CTPS2: variants seen among roughly 807,000 people sequenced by gnomAD.
The protein encoded by CTPS2 is CTP synthase 2.
Under a neutral mutation model 46.8 loss-of-function variants are expected in CTPS2, and 19 were observed. The ratio of observed to expected loss-of-function variants is 0.41; its 90% CI spans 0.28 to 0.60. CTPS2 has a LOEUF of 0.60. Among genes scored for constraint, CTPS2 ranks in the 20% least tolerant of loss-of-function variants. The pLI is 0.35. For missense variants in CTPS2, 286 were observed against 447.6 expected (o/e 0.64, Z 3.26); for synonymous variants, 151 against 165.2 (o/e 0.91, Z 0.66).
chrX:16,682,127 T>C (rs1922796468), intron 9 of CTPS2, among the ~76,000 whole-genome samples: 1 of 112,379 alleles, frequency 8.9e-6, no homozygotes, highest in Non-Finnish European at 1.9e-5. Flanking sequence ...ATGACAAGCA[T>C]GCTCATTCAT....
In CTPS2 at chrX:16,588,118, G is replaced by GGGGCTCTT. The variant is rs1928706422; in HGVS notation, c.*1691_*1698dup. On this transcript the variant is annotated 3_prime_UTR_variant, in exon 19 of 19. Transcript: ENST00000359276. ...TGCTAAATGGAAGCCTGACTGACCA[G>GGGGCTCTT]GGGCTCTTGGGCTCTCAATGCAATA... 9.0e-6 allele frequency: 1 copy of GGGGCTCTT among 110,600 alleles called. No individual in the cohort carries two copies. The highest frequency in any genetic ancestry group is 1.9e-5 in the Non-Finnish European group (1 of 53,065). The allele number at this position is 110,600 out of a possible 1,213,427, so 9.1% of individuals were successfully genotyped here. A position where few individuals can be genotyped will look rare whatever the true frequency, so the allele number is the denominator to read the frequency against.
At chrX:16,665,079 C>G (rs1449512751) in intron 13 of CTPS2, among the ~76,000 whole-genome samples, 1 of 112,307 alleles carries the variant, frequency 8.9e-6, no homozygotes, top group Non-Finnish European at 1.9e-5. Context: ...CAAATCAAAG[C>G]CACGATGAGA....
At chrX:16,612,657 T>G (rs1930319407) in intron 16 of CTPS2, among the ~76,000 whole-genome samples, 1 of 112,173 alleles carries the variant, frequency 8.9e-6, no homozygotes, top group Non-Finnish European at 1.9e-5. Context: ...GAAAGACTCC[T>G]GGAAATGCGT....
intron 13 of CTPS2, 119 bp from the exon 14 acceptor site, chrX:16,639,362 T>C (rs1931930504): frequency 1.8e-6 from 1 of 555,421 alleles, no homozygotes; most frequent in Non-Finnish European, 3.2e-6. Context: ...CTATAACATT[T>C]GATCAGTCTT....
intron 4 of CTPS2, among the ~76,000 whole-genome samples, chrX:16,695,703 C>G (rs1301219988): frequency 1.8e-5 from 2 of 110,266 alleles, no homozygotes; most frequent in Non-Finnish European, 3.8e-5. Context: ...AGGCGCCCAC[C>G]ACCACGCCCG....
chrX:16,664,704 T>G (rs1343126363), intron 13 of CTPS2, among the ~76,000 whole-genome samples: 2 of 111,862 alleles, frequency 1.8e-5, no homozygotes, highest in Admixed American at 9.5e-5. Context: ...ACTAGATTTC[T>G]CTAAATCAGT....
rs770672776 is a variant in CTPS2, at chrX:16,706,405, AGAGT to A, written c.-39-3468_-39-3465del. Reference sequence around the variant, plus strand: ...GCCACTGCACTCCGGTCTGGGCAACAGAGTGAGACTCCGACTCGAAAGGTAAGAA... The same window carrying A: ...GCCACTGCACTCCGGTCTGGGCAACAGAGACTCCGACTCGAAAGGTAAGAA... On this transcript the variant is annotated intron_variant, in intron 1 of 18. Coordinates refer to ENST00000359276, the MANE Select transcript of CTPS2 (RefSeq NM_175859.3). Among the ~76,000 whole-genome samples the A allele has an allele frequency of 6.7e-3, 747 of 111,214 alleles. 6 individuals carry two copies. The highest frequency in any genetic ancestry group is 0.023 in the African/African-American group (698 of 30,571).
At chrX:16,704,734 G>A (rs749355528) in intron 1 of CTPS2, among the ~76,000 whole-genome samples, 1 of 110,943 alleles carries the variant, frequency 9.0e-6, no homozygotes, top group South Asian at 3.9e-4. Flanking sequence ...GATCACCTGA[G>A]GTCGGGAGGT....
chrX:16,606,521 C>A (rs1231840132), intron 17 of CTPS2, among the ~76,000 whole-genome samples: 2 of 111,656 alleles, frequency 1.8e-5, no homozygotes, highest in Non-Finnish European at 3.8e-5. Flanking sequence ...AATAAACAAC[C>A]CCTGTGTGTA....
rs1428447074 is a variant in CTPS2, at chrX:16,625,246, A to T, written c.1394-4914T>A. On this transcript the variant is annotated intron_variant, in intron 14 of 18. Coordinates refer to ENST00000359276, the MANE Select transcript of CTPS2 (RefSeq NM_175859.3). ...AATCCTGTCCCATGCTACAATATGG[A>T]TGAACCTTGAGGACAATATGTTAAG... Among the ~76,000 whole-genome samples the T allele has an allele frequency of 2.7e-5, 3 of 112,820 alleles. No individual in the cohort carries two copies. The South Asian group carries it at 1.1e-3, about 41-fold the overall frequency.
chrX:16,631,727 A>T (rs1931481969), intron 14 of CTPS2, among the ~76,000 whole-genome samples: 1 of 111,538 alleles, frequency 9.0e-6, no homozygotes, highest in African/African-American at 3.3e-5. Flanking sequence ...GGACTTGACC[A>T]AGCAAATTAA....
At chrX:16,663,283 C>CTATA (rs915551668) in intron 13 of CTPS2, among the ~76,000 whole-genome samples, 4 of 111,088 alleles carry the variant, frequency 3.6e-5, no homozygotes, top group Non-Finnish European at 7.5e-5. Flanking sequence ...GTAGCTAGGA[C>CTATA]TATAGGTGCA....
chrX:16,591,292 C>T (rs1439551415), intron 17 of CTPS2, among the ~76,000 whole-genome samples: 1 of 111,103 alleles, frequency 9.0e-6, no homozygotes, highest in African/African-American at 3.3e-5. Flanking sequence ...GTTGATGGAC[C>T]CATTTATTTT....
intron 10 of CTPS2, among the ~76,000 whole-genome samples, chrX:16,674,301 T>G: frequency 9.1e-6 from 1 of 110,256 alleles, no homozygotes; most frequent in East Asian, 2.9e-4. Flanking sequence ...GTAGCTGGGA[T>G]TACAGGTATG....
rs1163314501 is a variant in CTPS2 at position 16,590,769 on chromosome X, A to G, written c.*24T>C. 6 of 1,117,824 alleles carry G rather than the reference A, an allele frequency of 5.4e-6. No individual in the cohort carries two copies. The Admixed American group carries it at 6.7e-5, about 12-fold the overall frequency. The allele number at this position is 1,117,824 out of a possible 1,213,427, so 92.1% of individuals were successfully genotyped here. Reference sequence around the variant, plus strand: ...CATCTTACCCTCACAGGCAGTCCCCATTATTCCCAGTCATGTATTCATTTC... The same window carrying G: ...CATCTTACCCTCACAGGCAGTCCCCGTTATTCCCAGTCATGTATTCATTTC... On this transcript the variant is annotated 3_prime_UTR_variant, in exon 18 of 19. Coordinates refer to ENST00000359276, the MANE Select transcript of CTPS2 (RefSeq NM_175859.3).
intron 16 of CTPS2, among the ~76,000 whole-genome samples, chrX:16,613,061 A>T (rs2147190994): frequency 8.9e-6 from 1 of 112,059 alleles, no homozygotes; most frequent in East Asian, 2.8e-4. Context: ...CTCTGGAAGT[A>T]CTTGAACAGA....
intron 15 of CTPS2, among the ~76,000 whole-genome samples, chrX:16,618,111 C>T (rs1160796637): frequency 9.0e-6 from 1 of 111,477 alleles, no homozygotes; most frequent in African/African-American, 3.3e-5. Context: ...CACCCTGACC[C>T]GATCCCCTGG....
At chrX:16,686,682 T>A (rs1428829012) in intron 8 of CTPS2, among the ~76,000 whole-genome samples, 2 of 111,994 alleles carry the variant, frequency 1.8e-5, no homozygotes, top group East Asian at 5.6e-4. Context: ...ACCAGGTGGA[T>A]TGCTTGAGCT....
intron 14 of CTPS2, among the ~76,000 whole-genome samples, chrX:16,637,140 T>C (rs1201841949): frequency 8.9e-6 from 1 of 111,927 alleles, no homozygotes; most frequent in Non-Finnish European, 1.9e-5. Flanking sequence ...TCTCACTATG[T>C]TGCCCAGCTG....
Sources: allele counts gnomAD v4.1 joint callset (sites outside exome capture counted in the v4.1 genomes callset), GRCh38; gene constraint gnomAD v4.1.1; transcripts MANE v1.5; gene names NCBI Gene and HGNC (gene_info 2026-07-23, HGNC 2026-07-21).